Variants in LAMA2 observed in about 807,000 individuals in gnomAD.
LAMA2 encodes the protein laminin subunit alpha-2.
In LAMA2, 269 loss-of-function variants were observed where a neutral mutation model predicts 364.8. That is an observed-to-expected ratio of 0.74 (90% CI 0.67 to 0.82). The LOEUF is 0.82. Among genes scored for constraint, LAMA2 ranks in the 40% least tolerant of loss-of-function variants. The probability of loss-of-function intolerance (pLI) is 0.00; values close to 1 mark genes in which losing one functional copy is unlikely to be tolerated. For synonymous variants in LAMA2, 1,379 were observed against 1,370.6 expected, an observed-to-expected ratio of 1.01 and a Z score of -0.14; for missense variants, 3,807 against 3,873.2, an observed-to-expected ratio of 0.98 and a Z score of 0.45.
At chr6:129,119,979 A>G (rs1206941122) in intron 4 of LAMA2, among the ~76,000 whole-genome samples, 1 of 152,256 alleles carries the variant, frequency 6.6e-6, no homozygotes, top group African/African-American at 2.4e-5. Context: ...AGTTATACCC[A>G]TGATATGACC....
intron 8 of LAMA2, chr6:129,158,632 T>C: frequency 1.9e-6 from 3 of 1,614,200 alleles, no homozygotes; most frequent in South Asian, 2.2e-5. Flanking sequence ...ATAGCAATTA[T>C]GCAGACAGCC....
At chr6:129,391,411 T>C in intron 35 of LAMA2, 80 bp from the exon 36 acceptor site, 2 of 1,164,644 alleles carry the variant, frequency 1.7e-6, no homozygotes, top group South Asian at 2.4e-5. Context: ...GAGATGGTGG[T>C]GCCCAGCAGA....
At position 129,403,826 on chromosome 6, in the gene LAMA2, T is replaced by C; in HGVS notation, c.5732T>C (p.Leu1911Pro). Residue 1911 changes from leucine (L) to proline (P), a missense_variant, in exon 40 of 65, where the codon CTT becomes CCT. By Grantham distance (98) the Leu-to-Pro change is moderately conservative (BLOSUM62 -3). Around this residue, in one of 3 missense-constraint regions of LAMA2, gnomAD observed 3,333 missense variants for 3,345.7 expected, o/e 1.00. Transcript: ENST00000421865. ...TTTTTGAATCATCCCACCAGAATCC[T>C]TGATGAGGCTAAAAACATCTCCTTC... ...NDSSAVLDGILDEAKNISFNA... is the reference protein window; with the variant it reads ...NDSSAVLDGIPDEAKNISFNA... 1.9e-6 allele frequency: 3 copies of C among 1,613,434 alleles called. No individual in the cohort carries two copies. Among genetic ancestry groups the C allele is most frequent in the Middle Eastern group, 1.7e-4 (1 of 6,060 alleles).
chr6:129,170,988 G>A (rs1376319470), intron 9 of LAMA2, among the ~76,000 whole-genome samples: 3 of 151,402 alleles, frequency 2.0e-5, no homozygotes, highest in Non-Finnish European at 4.4e-5. Context: ...CAGAGACTAG[G>A]ATTGCAACCC....
chr6:129,434,701 C>T (rs539901594), intron 41 of LAMA2, among the ~76,000 whole-genome samples: 1 of 152,160 alleles, frequency 6.6e-6, no homozygotes, highest in East Asian at 1.9e-4. Context: ...TACACTATGC[C>T]TCCTCTGTCT....
chr6:129,316,549 A>T (rs1774624330), intron 27 of LAMA2, among the ~76,000 whole-genome samples: 1 of 152,226 alleles, frequency 6.6e-6, no homozygotes, highest in South Asian at 2.1e-4. Flanking sequence ...GGCAGGGCCA[A>T]GTTGGTCCAG....
At chr6:129,507,162 C>T (rs1257147674) in intron 61 of LAMA2, among the ~76,000 whole-genome samples, 5 of 150,770 alleles carry the variant, frequency 3.3e-5, no homozygotes, top group Non-Finnish European at 7.4e-5. Context: ...AAATCAGGAA[C>T]GTAAGAGACC....
chr6:129,241,825 T>C (rs955111978), intron 12 of LAMA2, among the ~76,000 whole-genome samples: 2 of 152,180 alleles, frequency 1.3e-5, no homozygotes, highest in African/African-American at 4.8e-5. Context: ...CATTGCACCT[T>C]TGGGATTCTT....
intron 1 of LAMA2, among the ~76,000 whole-genome samples, chr6:128,901,405 T>G (rs1294966569): frequency 6.6e-6 from 1 of 152,230 alleles, no homozygotes; most frequent in Non-Finnish European, 1.5e-5. Context: ...TCCTTGCTTA[T>G]TTTTTATTAA....
intron 43 of LAMA2, chr6:129,442,765 C>T (rs1171388659): frequency 4.7e-6 from 2 of 424,264 alleles, no homozygotes; most frequent in East Asian, 6.1e-5. Flanking sequence ...TGTTTTAATC[C>T]TATCCTCTAT....
chr6:129,221,219 T>A (rs1783819170), intron 12 of LAMA2, among the ~76,000 whole-genome samples: 2 of 149,156 alleles, frequency 1.3e-5, no homozygotes, highest in Admixed American at 6.7e-5. Flanking sequence ...CCTACAAATG[T>A]CAATACTTAG....
At chr6:129,442,968 C>A in intron 43 of LAMA2, 95 bp from the exon 44 acceptor site, 2 of 876,324 alleles carry the variant, frequency 2.3e-6, no homozygotes, top group South Asian at 1.6e-5. Flanking sequence ...TGAAAAATAC[C>A]ATTTTTAGTC....
intron 12 of LAMA2, among the ~76,000 whole-genome samples, chr6:129,225,897 T>G (rs922558168): frequency 3.9e-5 from 6 of 152,190 alleles, no homozygotes; most frequent in African/African-American, 1.4e-4. Flanking sequence ...CTTGTTACCT[T>G]TCTGTCTCGT....
intron 4 of LAMA2, among the ~76,000 whole-genome samples, chr6:129,131,561 G>T (rs1182806138): frequency 6.6e-6 from 1 of 152,152 alleles, no homozygotes; most frequent in East Asian, 1.9e-4. Context: ...TTCATCTTCT[G>T]GTTGTGTGGG....
chr6:129,258,915 G>C lies in LAMA2; in HGVS notation c.2097-1796G>C, dbSNP rs192579945. 1.4e-3 allele frequency among the ~76,000 whole-genome samples: 210 copies of C among 152,190 alleles called. 1 individual carries two copies. The highest frequency in any genetic ancestry group is 4.8e-3 in the African/African-American group (201 of 41,558). On this transcript the variant is annotated intron_variant, in intron 14 of 64. Transcript: ENST00000421865. Reference sequence around the variant, plus strand: ...CTAATCTAGAACCTTCTACCAGGTTGTCCAAGATGTGCCCCTAGAGAATAT... The same window carrying C: ...CTAATCTAGAACCTTCTACCAGGTTCTCCAAGATGTGCCCCTAGAGAATAT...
intron 18 of LAMA2, among the ~76,000 whole-genome samples, chr6:129,282,858 T>C (rs1171677546): frequency 2.6e-5 from 4 of 152,148 alleles, no homozygotes; most frequent in African/African-American, 9.7e-5. Context: ...ACTGGTGGCT[T>C]TCAGAGCTCG....
At chr6:129,169,252 G>C (rs1006974032) in intron 9 of LAMA2, among the ~76,000 whole-genome samples, 3 of 147,388 alleles carry the variant, frequency 2.0e-5, no homozygotes, top group African/African-American at 8.0e-5. Flanking sequence ...TTTTCAAAGG[G>C]AATGCTTCCA....
At chr6:129,433,440 C>T (rs1781695734) in intron 41 of LAMA2, among the ~76,000 whole-genome samples, 1 of 152,164 alleles carries the variant, frequency 6.6e-6, no homozygotes, top group East Asian at 1.9e-4. Context: ...CTTTAGAAAT[C>T]TCAAGAAGCC....
At chr6:129,173,685 T>A (rs1780374682) in intron 9 of LAMA2, among the ~76,000 whole-genome samples, 1 of 152,188 alleles carries the variant, frequency 6.6e-6, no homozygotes, top group Admixed American at 6.5e-5. Flanking sequence ...GGACACATAT[T>A]TGTAGGTCAT....
Sources: allele counts gnomAD v4.1 joint callset (sites outside exome capture counted in the v4.1 genomes callset), GRCh38; gene constraint gnomAD v4.1.1; regional missense constraint gnomAD v4.1.1; transcripts MANE v1.5; gene names NCBI Gene and HGNC (gene_info 2026-07-23, HGNC 2026-07-21).